Variants in P3H2 observed in about 807,000 individuals in gnomAD.
P3H2 encodes leprecan-like 1.
In P3H2, 80 loss-of-function variants were observed where a neutral mutation model predicts 87.0. That is an observed-to-expected ratio of 0.92 (90% CI 0.77 to 1.11). The LOEUF (loss-of-function observed/expected upper bound fraction) is 1.11, where lower values mean the gene tolerates loss of function less well. Among genes scored for constraint, P3H2 ranks in the 50% least tolerant of loss-of-function variants. The probability of loss-of-function intolerance (pLI) is 0.00; values close to 1 mark genes in which losing one functional copy is unlikely to be tolerated. For synonymous variants in P3H2, 367 were observed against 359.3 expected (o/e 1.02, Z -0.24); for missense variants, 1,001 against 923.9 (o/e 1.08, Z -1.08).
intron 1 of P3H2, among the ~76,000 whole-genome samples, chr3:190,056,942 A>T (rs994081051): frequency 6.6e-6 from 1 of 152,134 alleles, no homozygotes; most frequent in South Asian, 2.1e-4. Flanking sequence ...CCTTCACCAT[A>T]GACTAGAAAC....
intron 6 of P3H2, among the ~76,000 whole-genome samples, chr3:189,985,387 A>T (rs918625384): frequency 6.6e-6 from 1 of 151,572 alleles, no homozygotes; most frequent in African/African-American, 2.4e-5. Context: ...AAATAATAAA[A>T]GTGATTTTCA....
intron 1 of P3H2, among the ~76,000 whole-genome samples, chr3:190,001,151 G>A (rs1380083934): frequency 6.6e-6 from 1 of 152,148 alleles, no homozygotes; most frequent in Non-Finnish European, 1.5e-5. Context: ...CAAAGATTTT[G>A]TGTGGAAAAT....
intron 1 of P3H2, among the ~76,000 whole-genome samples, chr3:190,047,819 T>C (rs148304097): frequency 1.1e-4 from 17 of 152,242 alleles, no homozygotes; most frequent in African/African-American, 4.1e-4. Flanking sequence ...GGTTAATGGG[T>C]ATAAAAATAC....
intron 1 of P3H2, among the ~76,000 whole-genome samples, chr3:190,055,864 G>T (rs1726137015): frequency 6.6e-6 from 1 of 152,158 alleles, no homozygotes; most frequent in South Asian, 2.1e-4. Context: ...TTCTTGGGAT[G>T]TACTATGCTT....
chr3:189,980,914 C>T (rs531051315), intron 8 of P3H2, among the ~76,000 whole-genome samples: 2 of 152,280 alleles, frequency 1.3e-5, no homozygotes, highest in South Asian at 2.1e-4. Flanking sequence ...AAACTTTTAG[C>T]CCCACCCACA....
rs1254790130 is a variant in P3H2, at chr3:190,041,066, ACACACACACACACACT to A, written c.481-45640_481-45625del. Among the ~76,000 whole-genome samples the A allele has an allele frequency of 6.1e-3, 287 of 47,052 alleles. 14 individuals carry two copies. Among genetic ancestry groups the A allele is most frequent in the Non-Finnish European group, 7.2e-3 (209 of 28,928 alleles). The allele number at this position is 47,052 out of a possible 152,430, so 30.9% of individuals were successfully genotyped here. On this transcript the variant is annotated intron_variant, in intron 1 of 14. Coordinates refer to ENST00000319332, the MANE Select transcript of P3H2 (RefSeq NM_018192.4). ...CACACACACACACACACACACACACACACACACACACACACTCTCTCTCTCTATATATATATATATA... is the reference window on the plus strand; with the variant it reads ...CACACACACACACACACACACACACACTCTCTCTCTATATATATATATATA...
At chr3:190,061,612 C>T (rs1474580721) in intron 1 of P3H2, among the ~76,000 whole-genome samples, 1 of 152,112 alleles carries the variant, frequency 6.6e-6, no homozygotes, top group Non-Finnish European at 1.5e-5. Context: ...TCTGCCATGT[C>T]CTGAAGATGA....
intron 1 of P3H2, among the ~76,000 whole-genome samples, chr3:190,024,545 A>AAAG (rs1253571364): frequency 6.6e-6 from 1 of 151,040 alleles, no homozygotes; most frequent in East Asian, 1.9e-4. Context: ...AAAAAAAAAA[A>AAAG]AAAAAAAAGA....
intron 1 of P3H2, among the ~76,000 whole-genome samples, chr3:190,008,145 G>A (rs1293954735): frequency 1.3e-5 from 2 of 151,844 alleles, no homozygotes; most frequent in Non-Finnish European, 2.9e-5. Context: ...AGTGAAAAGT[G>A]TTCTTCTCAG....
At chr3:189,975,293 C>A (rs1333274454) in intron 8 of P3H2, among the ~76,000 whole-genome samples, 1 of 152,156 alleles carries the variant, frequency 6.6e-6, no homozygotes, top group Non-Finnish European at 1.5e-5. Flanking sequence ...CCCTTAGGCA[C>A]CTACTCTCTT....
rs780114211 is a variant in P3H2, at chr3:190,120,423, G to A, written c.309C>T (p.Pro103=). Residue 103 remains proline, a synonymous_variant, in exon 1 of 15, where the codon CCC becomes CCT. Transcript: ENST00000319332. ...AGCGGAAAAGGGGCAGCTCAGCGCC[G>A]GGGCCCTCGCCGGGGGGCGGGGGCG... is the stretch of plus-strand genomic sequence containing the variant. ...PLPPPPPGEG[P]GAELPLFRSL... The A allele has an allele frequency of 2.7e-6, 4 of 1,472,802 alleles. No individual in the cohort carries two copies. Among genetic ancestry groups the A allele is most frequent in the East Asian group, 5.6e-5 (2 of 35,658 alleles). The allele number at this position is 1,472,802 out of a possible 1,614,324, so 91.2% of individuals were successfully genotyped here. A position where few individuals can be genotyped will look rare whatever the true frequency, so the allele number is the denominator to read the frequency against.
chr3:190,082,501 A>G (rs1727075733), intron 1 of P3H2, among the ~76,000 whole-genome samples: 1 of 152,228 alleles, frequency 6.6e-6, no homozygotes, highest in Non-Finnish European at 1.5e-5. Context: ...ACAAGGTAGA[A>G]CAATCAAGTC....
chr3:190,010,440 G>A (rs1577270852), intron 1 of P3H2, among the ~76,000 whole-genome samples: 1 of 152,124 alleles, frequency 6.6e-6, no homozygotes, highest in South Asian at 2.1e-4. Context: ...GTTAAAATGA[G>A]GCCATAAGGG....
At position 190,022,515 on chromosome 3, in the gene P3H2, A is replaced by C. The variant is rs1200063057; in HGVS notation, c.481-27073T>G. ...TCCTTTAGGTATTTTATACAGAATAAACTTGTATATACTTTTTTATTTAAC... is the reference window on the plus strand; with the variant it reads ...TCCTTTAGGTATTTTATACAGAATACACTTGTATATACTTTTTTATTTAAC... On this transcript the variant is annotated intron_variant, in intron 1 of 14. Coordinates refer to ENST00000319332, the MANE Select transcript of P3H2 (RefSeq NM_018192.4). Among the ~76,000 whole-genome samples the C allele has an allele frequency of 3.7e-5, 5 of 135,408 alleles. 2 individuals carry two copies. The highest frequency in any genetic ancestry group is 8.3e-5 in the Non-Finnish European group (5 of 60,558). The allele number at this position is 135,408 out of a possible 152,430, so 88.8% of individuals were successfully genotyped here.
intron 1 of P3H2, 76 bp from the exon 2 acceptor site, chr3:189,995,518 C>A (rs558926485): frequency 5.7e-6 from 8 of 1,404,802 alleles, no homozygotes; most frequent in South Asian, 4.7e-5. Flanking sequence ...AAGATCAATC[C>A]AAAATCTCAC....
chr3:190,075,153 G>C (rs1196180026), intron 1 of P3H2, among the ~76,000 whole-genome samples: 1 of 152,174 alleles, frequency 6.6e-6, no homozygotes, highest in Non-Finnish European at 1.5e-5. Flanking sequence ...TGAAGAAAAG[G>C]CTAGGATATG....
At chr3:190,028,338 C>T (rs1425750726) in intron 1 of P3H2, among the ~76,000 whole-genome samples, 2 of 152,212 alleles carry the variant, frequency 1.3e-5, no homozygotes, top group African/African-American at 4.8e-5. Flanking sequence ...TGATATTCCC[C>T]TCAAGCCCTA....
intron 14 of P3H2, among the ~76,000 whole-genome samples, chr3:189,963,243 C>G (rs1163139404): frequency 6.6e-6 from 1 of 152,174 alleles, no homozygotes; most frequent in Non-Finnish European, 1.5e-5. Context: ...TAAGTGTCCT[C>G]AGCTAGTTTG....
chr3:189,982,099 T>C (rs547213911), intron 8 of P3H2, among the ~76,000 whole-genome samples: 111 of 152,162 alleles, frequency 7.3e-4, no homozygotes, highest in African/African-American at 2.6e-3. Flanking sequence ...AATTCTTTCA[T>C]CAATAGGTGA....
Sources: gnomAD v4.1 joint callset for allele counts (sites outside exome capture counted in the v4.1 genomes callset) on GRCh38, gnomAD v4.1.1 for gene constraint, MANE v1.5 for transcripts, NCBI Gene and HGNC (gene_info 2026-07-23, HGNC 2026-07-21) for gene names.